The following TSHR variants were observed in gnomAD, a reference collection of about 807,000 sequenced individuals.
TSHR encodes the protein thyroid stimulating hormone receptor.
Under a neutral mutation model 64.1 loss-of-function variants are expected in TSHR, and 51 were observed. The observed-to-expected ratio is 0.80, with a 90% CI of 0.64 to 1.01. The LOEUF is 1.01. Ranked by LOEUF, TSHR falls within the 50% of genes least tolerant of loss-of-function variation. TSHR has a pLI of 0.00. For missense variants in TSHR, 877 were observed against 942.8 expected, an observed-to-expected ratio of 0.93 and a Z score of 0.91; for synonymous variants, 361 against 361.9, an observed-to-expected ratio of 1.00 and a Z score of 0.03.
At chr14:81,020,129 G>T (rs1883665624) in intron 1 of TSHR, among the ~76,000 whole-genome samples, 2 of 152,176 alleles carry the variant, frequency 1.3e-5, no homozygotes, top group African/African-American at 2.4e-5. Flanking sequence ...CTCTGTCTGT[G>T]TGTGTTACAC....
intron 1 of TSHR, among the ~76,000 whole-genome samples, chr14:81,035,370 T>A (rs912868520): frequency 7.2e-5 from 11 of 152,322 alleles, no homozygotes; most frequent in Admixed American, 7.2e-4. Context: ...AGGACCTCAC[T>A]GGACAAGTCA....
chr14:80,959,537 G>T (rs931842972), intron 1 of TSHR: 3 of 152,176 alleles, frequency 2.0e-5, no homozygotes, highest in African/African-American at 4.8e-5. Flanking sequence ...CTATGTATTT[G>T]TGTGGATTCT....
chr14:81,140,131 T>C (rs1249913740), intron 9 of TSHR, among the ~76,000 whole-genome samples: 1 of 152,184 alleles, frequency 6.6e-6, no homozygotes, highest in Non-Finnish European at 1.5e-5. Flanking sequence ...CAACCAGATC[T>C]CATAGAATCT....
intron 1 of TSHR, among the ~76,000 whole-genome samples, chr14:80,987,112 A>T (rs887580555): frequency 6.6e-6 from 1 of 152,234 alleles, no homozygotes; most frequent in African/African-American, 2.4e-5. Context: ...TATCCTTAAA[A>T]ACAAAGAAAA....
At chr14:81,010,967 T>G (rs563212615) in intron 1 of TSHR, among the ~76,000 whole-genome samples, 115 of 152,286 alleles carry the variant, frequency 7.6e-4, no homozygotes, top group Non-Finnish European at 1.2e-3. Context: ...CAGCACTAAT[T>G]CCATCATGTT....
chr14:81,121,728 G>T (rs1336343959), intron 8 of TSHR, among the ~76,000 whole-genome samples: 2 of 152,052 alleles, frequency 1.3e-5, no homozygotes, highest in African/African-American at 4.8e-5. Flanking sequence ...GATCACTTGA[G>T]GTCGGGAGTT....
chr14:81,074,582 A>G (rs755265849), intron 3 of TSHR, among the ~76,000 whole-genome samples: 1 of 152,210 alleles, frequency 6.6e-6, no homozygotes, highest in Non-Finnish European at 1.5e-5. Context: ...TCCTCAGTAT[A>G]GAATTAAAGC....
chr14:81,028,863 T>A (rs1884206072), intron 1 of TSHR, among the ~76,000 whole-genome samples: 1 of 152,044 alleles, frequency 6.6e-6, no homozygotes, highest in African/African-American at 2.4e-5. Context: ...AAAATTTTTT[T>A]AAACCCAAAA....
At position 80,955,861 on chromosome 14, in the gene TSHR, G is replaced by A. The variant is rs768916638; in HGVS notation, c.170+11G>A. 6.8e-6 allele frequency: 11 copies of A among 1,613,982 alleles called. No homozygotes were observed. Among genetic ancestry groups the A allele is most frequent in the African/African-American group, 4.0e-5 (3 of 74,954 alleles). On this transcript the variant is annotated intron_variant, in intron 1 of 9. Transcript: ENST00000298171. ...CAGTACGCAGACTCTGTGAGTACCC[G>A]GGAGAGATCAGGGTAGGACCCAGAG...
chr14:80,958,306 T>C (rs1247506676), intron 1 of TSHR: 1 of 152,136 alleles, frequency 6.6e-6, no homozygotes, highest in Non-Finnish European at 1.5e-5. Context: ...AAAAATAAAA[T>C]GAAGTAATTT....
chr14:81,097,955 C>T (rs925969961), intron 7 of TSHR, among the ~76,000 whole-genome samples: 3 of 148,598 alleles, frequency 2.0e-5, no homozygotes, highest in Middle Eastern at 3.2e-3. Context: ...AAGACTCTAT[C>T]GAGTAAGGTG....
intron 1 of TSHR, among the ~76,000 whole-genome samples, chr14:81,020,626 C>T (rs1466449087): frequency 6.6e-6 from 1 of 152,182 alleles, no homozygotes; most frequent in Non-Finnish European, 1.5e-5. Context: ...GGCTTGACTG[C>T]ATAGAAACCA....
intron 1 of TSHR, among the ~76,000 whole-genome samples, chr14:80,963,461 C>A (rs189937340): frequency 4.6e-5 from 7 of 151,874 alleles, no homozygotes; most frequent in Non-Finnish European, 1.0e-4. Flanking sequence ...ACAACAACAA[C>A]AAAAAACAGA....
chr14:81,109,038 C>A, intron 8 of TSHR: 2 of 1,160,578 alleles, frequency 1.7e-6, no homozygotes, highest in Non-Finnish European at 2.2e-6. Flanking sequence ...GCCTCTGTAT[C>A]ATTGCCACCT....
intron 8 of TSHR, among the ~76,000 whole-genome samples, chr14:81,114,665 G>A (rs1890404272): frequency 6.6e-6 from 1 of 152,174 alleles, no homozygotes; most frequent in Admixed American, 6.5e-5. Context: ...GCTCGAACTG[G>A]GTGGAGCCCA....
intron 8 of TSHR, among the ~76,000 whole-genome samples, chr14:81,132,443 C>T (rs1407718241): frequency 6.6e-6 from 1 of 152,184 alleles, no homozygotes; most frequent in East Asian, 1.9e-4. Context: ...TCAATTTGCT[C>T]TTCCTATGAC....
chr14:81,084,122 T>A (rs1232327027), intron 3 of TSHR, among the ~76,000 whole-genome samples: 4 of 152,158 alleles, frequency 2.6e-5, no homozygotes. Context: ...CAAGATGAGA[T>A]TTGGGTGGGG....
chr14:81,068,577 T>C, intron 3 of TSHR: 1 of 467,582 alleles, frequency 2.1e-6, no homozygotes, highest in East Asian at 4.0e-5. Flanking sequence ...GTTCTATTAC[T>C]ACTGTGTCAG....
chr14:81,110,019 A>G (rs1252411565), intron 8 of TSHR, among the ~76,000 whole-genome samples: 2 of 152,228 alleles, frequency 1.3e-5, no homozygotes, highest in Non-Finnish European at 2.9e-5. Context: ...TTGCTTTTTC[A>G]AAGAAATGTA....
Sources: allele counts gnomAD v4.1 joint callset (sites outside exome capture counted in the v4.1 genomes callset), GRCh38; gene constraint gnomAD v4.1.1; transcripts MANE v1.5; gene names NCBI Gene and HGNC (gene_info 2026-07-23, HGNC 2026-07-21).